PBX1: variants seen among roughly 807,000 people sequenced by gnomAD.
The protein encoded by PBX1 is pre-B-cell leukemia transcription factor 1.
Under a neutral mutation model 53.4 loss-of-function variants are expected in PBX1, and 6 were observed. The ratio of observed to expected loss-of-function variants is 0.11; its 90% confidence interval spans 0.06 to 0.22. The LOEUF (loss-of-function observed/expected upper bound fraction) is 0.22. PBX1 is among the 10% of genes least tolerant of loss of function. The pLI, the probability that PBX1 is intolerant of heterozygous loss-of-function variation, is 1.00. For synonymous variants in PBX1, 204 were observed against 212.3 expected, an observed-to-expected ratio of 0.96 and a Z score of 0.34; for missense variants, 251 against 551.4, an observed-to-expected ratio of 0.46 and a Z score of 5.46.
intron 2 of PBX1, among the ~76,000 whole-genome samples, chr1:164,782,747 T>C (rs1667993891): frequency 6.6e-6 from 1 of 152,208 alleles, no homozygotes; most frequent in African/African-American, 2.4e-5. Flanking sequence ...GAAGCTAATT[T>C]GTAGCCTCAA....
chr1:164,625,850 T>A, intron 2 of PBX1: 3 of 633,548 alleles, frequency 4.7e-6, no homozygotes, highest in Non-Finnish European at 6.0e-6. Context: ...ACATGAATTA[T>A]CCCATTCCCC....
intron 2 of PBX1, among the ~76,000 whole-genome samples, chr1:164,644,481 C>T (rs1659332219): frequency 6.6e-6 from 1 of 152,028 alleles, no homozygotes; most frequent in African/African-American, 2.4e-5. Flanking sequence ...CCTTCGCTTA[C>T]AAAATGCAGA....
Position 164,850,084 on chromosome 1 carries a change from A to G in PBX1, c.*3408A>G, listed in dbSNP as rs1295425702. 2 of 226,982 alleles carry G rather than the reference A, an allele frequency of 8.8e-6. No individual in the cohort carries two copies. The highest frequency in any genetic ancestry group is 1.7e-5 in the Non-Finnish European group (2 of 114,302). 14.1% of individuals were successfully genotyped at this position (226,982 alleles called of 1,614,324 possible). A position where few individuals can be genotyped will look rare whatever the true frequency, so the allele number is the denominator to read the frequency against. On this transcript the variant is annotated 3_prime_UTR_variant, in exon 9 of 9. Transcript: ENST00000420696. ...AAGCGGTCTGAATTTAATAGTGTTT[A>G]TAATAAAAATTTTAAAAATGACCCT...
chr1:164,745,758 G>A (rs571456825), intron 2 of PBX1, among the ~76,000 whole-genome samples: 27 of 152,342 alleles, frequency 1.8e-4, no homozygotes, highest in Admixed American at 9.1e-4. Context: ...GAGCCCATCT[G>A]CGATAGGACT....
At chr1:164,652,224 A>C (rs1659870623) in intron 2 of PBX1, 1 of 151,982 alleles carries the variant, frequency 6.6e-6, no homozygotes, top group African/African-American at 2.4e-5. Context: ...CACCCAGCTA[A>C]TTTTTGTATT....
intron 2 of PBX1, among the ~76,000 whole-genome samples, chr1:164,655,881 T>C (rs1447047498): frequency 1.3e-5 from 2 of 152,154 alleles, no homozygotes; most frequent in Admixed American, 6.5e-5. Flanking sequence ...ATGAAGATTT[T>C]GTATGACAAA....
At chr1:164,639,457 G>T (rs1182377973) in intron 2 of PBX1, 1 of 152,160 alleles carries the variant, frequency 6.6e-6, no homozygotes, top group African/African-American at 2.4e-5. Flanking sequence ...AATCAGTTAG[G>T]ATGGTTTGCT....
intron 2 of PBX1, among the ~76,000 whole-genome samples, chr1:164,604,795 G>A (rs1012417435): frequency 1.3e-5 from 2 of 151,938 alleles, no homozygotes; most frequent in African/African-American, 4.8e-5. Flanking sequence ...CTTTCCCTAA[G>A]ACATCTTCAT....
chr1:164,813,198 G>T (rs1210036499), intron 6 of PBX1: 2 of 152,194 alleles, frequency 1.3e-5, no homozygotes, highest in Admixed American at 6.5e-5. Flanking sequence ...GATGTCTTCT[G>T]TGAGCTTCCA....
chr1:164,561,300 A>G (rs1319021713), intron 1 of PBX1, among the ~76,000 whole-genome samples: 2 of 152,236 alleles, frequency 1.3e-5, no homozygotes, highest in Non-Finnish European at 2.9e-5. Context: ...GCAGTTAAAA[A>G]CATAGATGTT....
chr1:164,801,466 A>AG (rs397967516), intron 4 of PBX1, among the ~76,000 whole-genome samples: 1 of 151,390 alleles, frequency 6.6e-6, no homozygotes, highest in Non-Finnish European at 1.5e-5. Context: ...AAAAAAAAAA[A>AG]CAATTGGCTC....
intron 2 of PBX1, among the ~76,000 whole-genome samples, chr1:164,786,720 T>TGTGTGTGTGTGTGCGC (rs1357886882): frequency 6.8e-4 from 79 of 116,276 alleles, no homozygotes; most frequent in African/African-American, 2.6e-3. Flanking sequence ...TGTGTGTGTG[T>TGTGTGTGTGTGTGCGC]GCGCGCGCAC....
At chr1:164,777,812 T>C (rs1667744598) in intron 2 of PBX1, among the ~76,000 whole-genome samples, 1 of 152,216 alleles carries the variant, frequency 6.6e-6, no homozygotes, top group African/African-American at 2.4e-5. Flanking sequence ...TCCCTGGGAT[T>C]CCCTCTAGAA....
At chr1:164,568,413 C>G (rs1653587334) in intron 2 of PBX1, among the ~76,000 whole-genome samples, 1 of 152,160 alleles carries the variant, frequency 6.6e-6, no homozygotes, top group African/African-American at 2.4e-5. Flanking sequence ...CTTATTCATT[C>G]TCTTATGACC....
chr1:164,849,036 G>C lies in PBX1; in HGVS notation c.*2360G>C. The stretch of plus-strand genomic sequence containing the variant: ...TTTTGTGACAACTTCATAGTGATTA[G>C]AATCAGTGGAGAACTCCATCTTAGT... On this transcript the variant is annotated 3_prime_UTR_variant, in exon 9 of 9. Coordinates refer to ENST00000420696, the MANE Select transcript of PBX1 (RefSeq NM_002585.4). 8.1e-7 allele frequency: 1 copy of C among 1,238,240 alleles called. No individual in the cohort carries two copies. The highest frequency in any genetic ancestry group is 1.0e-6 in the Non-Finnish European group (1 of 983,576). The allele number at this position is 1,238,240 out of a possible 1,614,324, so 76.7% of individuals were successfully genotyped here. A position where few individuals can be genotyped will look rare whatever the true frequency, so the allele number is the denominator to read the frequency against.
At chr1:164,835,744 G>T (rs578088649) in intron 8 of PBX1, among the ~76,000 whole-genome samples, 20 of 152,220 alleles carry the variant, frequency 1.3e-4, no homozygotes, top group Middle Eastern at 3.4e-3. Flanking sequence ...GACTCCTGTG[G>T]AATAAGGCCC....
chr1:164,682,002 A>T (rs552154955), intron 2 of PBX1: 2 of 152,338 alleles, frequency 1.3e-5, no homozygotes, highest in Admixed American at 1.3e-4. Flanking sequence ...CAAGCAATCA[A>T]AATAGCACCT....
chr1:164,636,300 G>A (rs1658775158), intron 2 of PBX1, among the ~76,000 whole-genome samples: 1 of 152,158 alleles, frequency 6.6e-6, no homozygotes, highest in Admixed American at 6.5e-5. Context: ...GAAAGAGTGA[G>A]TCTGAACAAG....
chr1:164,792,343 TTC>T (rs1478698408), intron 2 of PBX1, 149 bp from the exon 3 acceptor site: 5 of 1,355,224 alleles, frequency 3.7e-6, no homozygotes, highest in Admixed American at 5.4e-5. Context: ...CCCTCTCAGT[TTC>T]TCTCTTTTTC....
Sources: gnomAD v4.1 joint callset for allele counts (sites outside exome capture counted in the v4.1 genomes callset) on GRCh38, gnomAD v4.1.1 for gene constraint, MANE v1.5 for transcripts, NCBI Gene and HGNC (gene_info 2026-07-23, HGNC 2026-07-21) for gene names.